The following ZNF385D variants were observed in gnomAD, a reference collection of about 807,000 sequenced individuals.
ZNF385D encodes zinc finger protein 385D, also known as zinc finger protein 659.
In ZNF385D, 15 loss-of-function variants were observed where a neutral mutation model predicts 35.8. The observed-to-expected ratio is 0.42, with a 90% CI of 0.28 to 0.64. ZNF385D has a LOEUF of 0.64. Among genes scored for constraint, ZNF385D ranks in the 30% least tolerant of loss-of-function variants. The probability of loss-of-function intolerance (pLI) is 0.23; values close to 1 mark genes in which losing one functional copy is unlikely to be tolerated. For missense variants in ZNF385D, 474 were observed against 494.6 expected (o/e 0.96, Z 0.39); for synonymous variants, 212 against 186.8 (o/e 1.13, Z -1.10).
At chr3:22,097,772 G>C (rs948445927) in intron 3 of ZNF385D, among the ~76,000 whole-genome samples, 26 of 152,138 alleles carry the variant, frequency 1.7e-4, no homozygotes, top group Non-Finnish European at 1.5e-5. Context: ...CCCTGTGACA[G>C]GGAAATAAAA....
At chr3:21,761,169 G>C (rs1458297088) in intron 3 of ZNF385D, among the ~76,000 whole-genome samples, 2 of 152,044 alleles carry the variant, frequency 1.3e-5, no homozygotes, top group Non-Finnish European at 2.9e-5. Context: ...CCTTGGAAGG[G>C]GATTCTTCAA....
chr3:22,049,011 A>C (rs1699180642), intron 3 of ZNF385D, among the ~76,000 whole-genome samples: 1 of 151,998 alleles, frequency 6.6e-6, no homozygotes, highest in Non-Finnish European at 1.5e-5. Context: ...AAATGCTGTT[A>C]ATTGGCCGGG....
intron 2 of ZNF385D, among the ~76,000 whole-genome samples, chr3:22,200,691 G>A (rs760309020): frequency 1.2e-4 from 18 of 152,014 alleles, no homozygotes; most frequent in Non-Finnish European, 2.2e-4. Flanking sequence ...GGAGACTGGG[G>A]TCTATTTCAC....
At chr3:21,470,920 C>G (rs1242093592) in intron 4 of ZNF385D, among the ~76,000 whole-genome samples, 2 of 151,962 alleles carry the variant, frequency 1.3e-5, no homozygotes, top group Admixed American at 1.3e-4. Context: ...CAAAATGGTG[C>G]CATTAGAGTC....
intron 3 of ZNF385D, among the ~76,000 whole-genome samples, chr3:21,537,410 G>A (rs923980096): frequency 6.6e-6 from 1 of 151,844 alleles, no homozygotes; most frequent in African/African-American, 2.4e-5. Flanking sequence ...GTAATCACCT[G>A]CTGGGATTAC....
chr3:21,984,939 G>A (rs1164295977), intron 3 of ZNF385D, among the ~76,000 whole-genome samples: 1 of 149,186 alleles, frequency 6.7e-6, no homozygotes, highest in African/African-American at 2.4e-5. Context: ...TTGTGAATGG[G>A]AGTTCACTCA....
At chr3:22,033,613 C>T (rs1298281700) in intron 3 of ZNF385D, among the ~76,000 whole-genome samples, 1 of 151,832 alleles carries the variant, frequency 6.6e-6, no homozygotes, top group South Asian at 2.1e-4. Context: ...GAAATGCATT[C>T]TGAGAGCAAA....
chr3:22,152,423 C>A (rs548826240), intron 3 of ZNF385D, among the ~76,000 whole-genome samples: 2 of 152,216 alleles, frequency 1.3e-5, no homozygotes, highest in East Asian at 3.9e-4. Context: ...ACAAATTTAT[C>A]ATACAGTTCT....
rs1700576304 is a variant in ZNF385D, at chr3:21,417,328, C to T, written c.*3886G>A. The stretch of plus-strand genomic sequence containing the variant: ...GGCATTAGTTGACTATTTAAGTTAC[C>T]CTGTTGGTCAGGGACAAAGTCTACA... On this transcript the variant is annotated 3_prime_UTR_variant, in exon 8 of 8. Transcript: ENST00000281523. 6.6e-6 allele frequency: 1 copy of T among 151,972 alleles called. No individual in the cohort carries two copies. The highest frequency in any genetic ancestry group is 6.6e-5 in the Admixed American group (1 of 15,248). The allele number at this position is 151,972 out of a possible 1,614,324, so 9.4% of individuals were successfully genotyped here. A position where few individuals can be genotyped will look rare whatever the true frequency, so the allele number is the denominator to read the frequency against.
chr3:22,370,515 G>C (rs898937594), intron 2 of ZNF385D, among the ~76,000 whole-genome samples: 1 of 151,994 alleles, frequency 6.6e-6, no homozygotes, highest in Non-Finnish European at 1.5e-5. Context: ...GGTTGGGTAT[G>C]AATCAATCTA....
chr3:21,813,554 T>G (rs760322154), intron 3 of ZNF385D, among the ~76,000 whole-genome samples: 5 of 152,130 alleles, frequency 3.3e-5, no homozygotes, highest in African/African-American at 1.2e-4. Context: ...ATGCGACTCA[T>G]GCACAAGCTT....
At chr3:21,785,835 A>G (rs1486247271) in intron 3 of ZNF385D, among the ~76,000 whole-genome samples, 3 of 152,130 alleles carry the variant, frequency 2.0e-5, no homozygotes, top group Non-Finnish European at 4.4e-5. Context: ...ATATAAACCT[A>G]TTTGACTAAC....
intron 3 of ZNF385D, among the ~76,000 whole-genome samples, chr3:22,030,784 A>C (rs1270910302): frequency 2.6e-5 from 4 of 152,152 alleles, no homozygotes; most frequent in Non-Finnish European, 5.9e-5. Flanking sequence ...AACTCATTCC[A>C]GCATTAACTG....
chr3:22,362,924 G>C (rs1007353250), intron 2 of ZNF385D, among the ~76,000 whole-genome samples: 2 of 152,048 alleles, frequency 1.3e-5, no homozygotes, highest in Non-Finnish European at 2.9e-5. Context: ...GACAGGCATT[G>C]CAAGAGGCAG....
At chr3:22,085,184 G>A (rs148118909) in intron 3 of ZNF385D, among the ~76,000 whole-genome samples, 9 of 152,034 alleles carry the variant, frequency 5.9e-5, no homozygotes, top group African/African-American at 1.7e-4. Flanking sequence ...AAGCAAGAGC[G>A]AACAAATTCA....
intron 2 of ZNF385D, among the ~76,000 whole-genome samples, chr3:22,203,464 A>C (rs1481569209): frequency 1.3e-5 from 2 of 152,146 alleles, no homozygotes; most frequent in Non-Finnish European, 2.9e-5. Flanking sequence ...CTTCTTCTTG[A>C]GAAAAGCAGA....
intron 1 of ZNF385D, among the ~76,000 whole-genome samples, chr3:21,674,670 T>C (rs1300105906): frequency 6.6e-6 from 1 of 152,090 alleles, no homozygotes; most frequent in East Asian, 1.9e-4. Flanking sequence ...AGTTACTCTA[T>C]TCAGTATTTC....
At chr3:21,810,925 T>C (rs552616714) in intron 3 of ZNF385D, among the ~76,000 whole-genome samples, 44 of 150,706 alleles carry the variant, frequency 2.9e-4, no homozygotes, top group African/African-American at 1.0e-3. Flanking sequence ...TGAAAACATA[T>C]ATACACACAC....
intron 3 of ZNF385D, among the ~76,000 whole-genome samples, chr3:21,554,312 C>T (rs990711957): frequency 6.6e-6 from 1 of 152,172 alleles, no homozygotes; most frequent in African/African-American, 2.4e-5. Context: ...TTATGAGGTA[C>T]ATTGTCAATG....
Sources: gnomAD v4.1 joint callset for allele counts (sites outside exome capture counted in the v4.1 genomes callset) on GRCh38, gnomAD v4.1.1 for gene constraint, MANE v1.5 for transcripts, NCBI Gene and HGNC (gene_info 2026-07-23, HGNC 2026-07-21) for gene names.